Variants in OPCML observed in about 807,000 individuals in gnomAD.
OPCML encodes the protein opioid binding protein/cell adhesion molecule like, also known as opioid-binding protein/cell adhesion molecule.
A neutral mutation model predicts 37.8 loss-of-function variants in OPCML; 13 were observed. That is an observed-to-expected ratio of 0.34 (90% CI 0.22 to 0.55). The LOEUF (loss-of-function observed/expected upper bound fraction) is 0.55. Ranked by LOEUF, OPCML falls within the 20% of genes least tolerant of loss-of-function variation. The pLI is 0.91. For synonymous variants in OPCML, 176 were observed against 168.8 expected (o/e 1.04, Z -0.33); for missense variants, 341 against 435.6 (o/e 0.78, Z 1.93).
At chr11:133,181,340 A>G (rs375063367) in intron 1 of OPCML, among the ~76,000 whole-genome samples, 2 of 124,464 alleles carry the variant, frequency 1.6e-5, no homozygotes, top group African/African-American at 6.1e-5. Flanking sequence ...TTTCTACTAG[A>G]GTTTGATAAG....
At chr11:132,819,045 C>A (rs1275186177) in intron 2 of OPCML, among the ~76,000 whole-genome samples, 5 of 148,884 alleles carry the variant, frequency 3.4e-5, no homozygotes, top group South Asian at 2.1e-4. Flanking sequence ...TATGGGTCTA[C>A]TTCTATTATT....
intron 1 of OPCML, among the ~76,000 whole-genome samples, chr11:132,996,056 G>A (rs562897906): frequency 3.3e-5 from 5 of 152,110 alleles, no homozygotes; most frequent in South Asian, 2.1e-4. Context: ...GGTCTTGCTC[G>A]GCTCCCTGCT....
intron 7 of OPCML, among the ~76,000 whole-genome samples, chr11:132,430,064 T>C (rs1230536404): frequency 2.0e-5 from 3 of 152,156 alleles, no homozygotes; most frequent in Middle Eastern, 3.4e-3. Context: ...AGACAGATCG[T>C]GGTAGCTGAG....
At chr11:133,487,439 A>C (rs1173694616) in intron 1 of OPCML, among the ~76,000 whole-genome samples, 2 of 152,176 alleles carry the variant, frequency 1.3e-5, no homozygotes, top group Non-Finnish European at 2.9e-5. Flanking sequence ...ATCAGGTCTC[A>C]GCTAAAACAT....
At chr11:133,307,497 T>C (rs543900996) in intron 1 of OPCML, among the ~76,000 whole-genome samples, 116 of 152,296 alleles carry the variant, frequency 7.6e-4, no homozygotes, top group African/African-American at 2.6e-3. Flanking sequence ...TAGACAAAAT[T>C]TGTTTTTCTG....
intron 1 of OPCML, among the ~76,000 whole-genome samples, chr11:133,513,712 G>A (rs980009036): frequency 6.6e-6 from 1 of 152,194 alleles, no homozygotes; most frequent in Non-Finnish European, 1.5e-5. Flanking sequence ...CTAGTGCCTG[G>A]TAGAAAGTGA....
rs141712939 is a variant in OPCML at position 133,175,416 on chromosome 11, G to A, written c.62-232406C>T. 6.2e-4 allele frequency among the ~76,000 whole-genome samples: 92 copies of A among 148,504 alleles called. 1 individual carries two copies. Among genetic ancestry groups the A allele is most frequent in the African/African-American group, 2.2e-3 (90 of 40,500 alleles). ...TCTCCTCTACTGCTTATTTATTCGT[G>A]TTATTAAAGATGTTTATACCTTACT... On this transcript the variant is annotated intron_variant, in intron 1 of 7. Transcript: ENST00000524381.
chr11:133,162,493 C>T (rs1429487365), intron 1 of OPCML, among the ~76,000 whole-genome samples: 2 of 152,142 alleles, frequency 1.3e-5, no homozygotes, highest in Non-Finnish European at 2.9e-5. Flanking sequence ...GCTGGGGGGC[C>T]GGCCAGGTTC....
chr11:132,773,476 G>A (rs560331413), intron 2 of OPCML: 1 of 152,132 alleles, frequency 6.6e-6, no homozygotes, highest in African/African-American at 2.4e-5. Context: ...TGCAAATGTG[G>A]CTATCAAAGG....
chr11:132,497,680 A>G (rs146316590), intron 4 of OPCML, among the ~76,000 whole-genome samples: 1 of 152,208 alleles, frequency 6.6e-6, no homozygotes, highest in African/African-American at 2.4e-5. Context: ...AGAACAGAAA[A>G]GAGCCCTTTT....
intron 1 of OPCML, among the ~76,000 whole-genome samples, chr11:133,405,719 G>A (rs1945511490): frequency 7.1e-6 from 1 of 141,450 alleles, no homozygotes; most frequent in African/African-American, 2.8e-5. Context: ...CATCTGATAT[G>A]TACCCTTCTA....
At chr11:133,517,514 G>T (rs1948305336) in intron 1 of OPCML, among the ~76,000 whole-genome samples, 1 of 152,234 alleles carries the variant, frequency 6.6e-6, no homozygotes, top group African/African-American at 2.4e-5. Flanking sequence ...GAGTCAGGGA[G>T]TGGGGGCAAC....
At chr11:133,097,038 G>A (rs1167261175) in intron 1 of OPCML, among the ~76,000 whole-genome samples, 10 of 152,136 alleles carry the variant, frequency 6.6e-5, no homozygotes, top group Non-Finnish European at 1.5e-4. Context: ...AAACTGTCAT[G>A]AGTCAATTAG....
rs551603996 is a variant in OPCML at position 132,836,057 on chromosome 11, C to T, written c.146+106869G>A. On this transcript the variant is annotated intron_variant, in intron 2 of 7. Transcript: ENST00000524381. ...CCCATCCATGTGCTGAATACTGGTT[C>T]CTGAATCAGGGTAGGTGGTAAGAGA... Among the ~76,000 whole-genome samples, 5 of 152,202 alleles carry T rather than the reference C, an allele frequency of 3.3e-5. No homozygotes were observed. In the South Asian group the frequency reaches 1.0e-3, roughly 32 times the overall value.
Position 132,446,253 on chromosome 11 carries a change from G to A in OPCML, c.506-8894C>T, listed in dbSNP as rs1399331831. Among the ~76,000 whole-genome samples, 5 of 151,544 alleles carry A rather than the reference G, an allele frequency of 3.3e-5. No individual in the cohort carries two copies. The East Asian group carries it at 9.8e-4, about 30-fold the overall frequency. On this transcript the variant is annotated intron_variant, in intron 4 of 7. Coordinates refer to ENST00000524381, the MANE Select transcript of OPCML (RefSeq NM_001012393.5). The stretch of plus-strand genomic sequence containing the variant: ...ACAGAAACAGCCAGGGTACCTGTGA[G>A]GATGTGGCACATTCCCTTTAAATGA...
At chr11:133,059,025 C>T (rs1010748630) in intron 1 of OPCML, among the ~76,000 whole-genome samples, 1 of 152,162 alleles carries the variant, frequency 6.6e-6, no homozygotes, top group African/African-American at 2.4e-5. Flanking sequence ...TTTGCAAGGA[C>T]CTTTATCTTT....
intron 2 of OPCML, among the ~76,000 whole-genome samples, chr11:132,838,422 A>G (rs1941137550): frequency 6.6e-6 from 1 of 152,240 alleles, no homozygotes; most frequent in South Asian, 2.1e-4. Context: ...CAAAAGATGT[A>G]TGTCAAGCAG....
chr11:133,360,890 C>A (rs1159638520), intron 1 of OPCML: 2 of 152,280 alleles, frequency 1.3e-5, no homozygotes, highest in Non-Finnish European at 2.9e-5. Flanking sequence ...AGTAGTCACA[C>A]GCGGTAGATA....
At chr11:132,716,486 T>C (rs1050219171) in intron 2 of OPCML, among the ~76,000 whole-genome samples, 4 of 152,000 alleles carry the variant, frequency 2.6e-5, no homozygotes, top group Non-Finnish European at 5.9e-5. Context: ...CTATCTAATC[T>C]GAAAAAGCCA....
Sources: allele counts gnomAD v4.1 joint callset (sites outside exome capture counted in the v4.1 genomes callset), GRCh38; gene constraint gnomAD v4.1.1; transcripts MANE v1.5; gene names NCBI Gene and HGNC (gene_info 2026-07-23, HGNC 2026-07-21).